Variants in LILRA4 observed in about 807,000 individuals in gnomAD.
LILRA4 encodes the protein leukocyte immunoglobulin-like receptor subfamily A member 4.
In LILRA4, 51 loss-of-function variants were observed where a neutral mutation model predicts 49.5. The observed-to-expected ratio is 1.03, with a 90% CI of 0.82 to 1.30. LILRA4 has a LOEUF of 1.30. Ranked by LOEUF, LILRA4 falls within the 50% of genes most tolerant of loss-of-function variation. LILRA4 has a pLI of 0.00. For synonymous variants in LILRA4, 272 were observed against 265.6 expected (o/e 1.02, Z -0.23); for missense variants, 624 against 625.6 (o/e 1.00, Z 0.03).
Position 54,336,992 on chromosome 19 carries a change from T to G in LILRA4, c.1104A>C (p.Arg368Ser), listed in dbSNP as rs754312400. Residue 368 changes from arginine (R) to serine (S), a missense_variant, in exon 6 of 8, where the codon AGA becomes AGC. Physicochemically the swap from Arg to Ser is moderately radical, Grantham distance 110. Coordinates refer to ENST00000291759, the MANE Select transcript of LILRA4 (RefSeq NM_012276.5). ...GGTACTTATGAGCTCCGTACATTGA[T>G]CTCAGACGCAACGGGGGATGGGCTG... ...EGAAHPPLRL[R>S]SMYGAHKYQA... The G allele has an allele frequency of 6.2e-7, 1 of 1,614,092 alleles. No individual in the cohort carries two copies. Among genetic ancestry groups the G allele is most frequent in the East Asian group, 2.2e-5 (1 of 44,846 alleles).
Position 54,339,054 on chromosome 19 carries a change from T to G in LILRA4, c.34+6A>C, listed in dbSNP as rs768694629. ...AGGGTCTCTCCTCCCCCTCTTAAGA[T>G]CTCACCAAAGAAGAGCAGGCTTGTG... On this transcript the variant is annotated splice_donor_region_variant and intron_variant, in intron 1 of 7. Coordinates refer to ENST00000291759, the MANE Select transcript of LILRA4 (RefSeq NM_012276.5). 3 of 1,613,990 alleles carry G rather than the reference T, an allele frequency of 1.9e-6. No individual in the cohort carries two copies. The highest frequency in any genetic ancestry group is 2.2e-5 in the East Asian group (1 of 44,894).
In LILRA4 at chr19:54,333,538, T is replaced by A; in HGVS notation, c.*34A>T. ...TATTCTCAGCAGACACTTCCCCAAC[T>A]GCTGCCCCAGTCTTCCAGAACCTCC... On this transcript the variant is annotated 3_prime_UTR_variant, in exon 8 of 8. Transcript: ENST00000291759. 6.2e-7 allele frequency: 1 copy of A among 1,604,528 alleles called. No individual in the cohort carries two copies. The highest frequency in any genetic ancestry group is 8.5e-7 in the Non-Finnish European group (1 of 1,172,732).
Position 54,338,531 on chromosome 19 carries a change from T to C in LILRA4, c.220A>G (p.Thr74Ala), listed in dbSNP as rs778172668. The C allele has an allele frequency of 1.2e-6, 2 of 1,614,132 alleles. No homozygotes were observed. Among genetic ancestry groups the C allele is most frequent in the East Asian group, 4.5e-5 (2 of 44,880 alleles). Residue 74 changes from threonine to alanine, a missense_variant, in exon 3 of 8, where the codon ACA becomes GCA. Coordinates refer to ENST00000291759, the MANE Select transcript of LILRA4 (RefSeq NM_012276.5). ...TTGACCTTGTTTTCAGACTCCAGTGTTTTTAATATGTGCCTCGACATTGAG... is the reference window on the plus strand; with the variant it reads ...TTGACCTTGTTTTCAGACTCCAGTGCTTTTAATATGTGCCTCGACATTGAG... ...GNSMSRHILK[T>A]LESENKVKLS...
Position 54,338,311 on chromosome 19 carries a change from G to C in LILRA4, c.356-76C>G, listed in dbSNP as rs2081355120. ...ACCTTATCCTACAAGGCTGGGCTGT[G>C]AGAAGGGAGACCCCTCGAGAGCTGA... On this transcript the variant is annotated intron_variant, in intron 3 of 7. Transcript: ENST00000291759. 7 of 1,596,012 alleles carry C rather than the reference G, an allele frequency of 4.4e-6. No homozygotes were observed. In the East Asian group the frequency reaches 1.3e-4, roughly 31 times the overall value.
At chr19:54,333,986 A>T (rs978456639) in intron 6 of LILRA4, 21 bp from the exon 7 acceptor site, 3 of 1,609,682 alleles carry the variant, frequency 1.9e-6, no homozygotes, top group Admixed American at 3.3e-5. Flanking sequence ...AAGAATAAGG[A>T]TGTTGGTGAG....
Position 54,337,742 on chromosome 19 carries a change from G to GCGCC in LILRA4, c.656-50_656-47dup, listed in dbSNP as rs761816719. 14 of 1,578,004 alleles carry GCGCC rather than the reference G, an allele frequency of 8.9e-6. No individual in the cohort carries two copies. The South Asian group carries it at 1.6e-4, about 18-fold the overall frequency. ...GGACTCGGAGCGGCTGGTTCCTCCTGCGCCCCTTCCTTCTGTAGCCTTCCT... is the reference window on the plus strand; with the variant it reads ...GGACTCGGAGCGGCTGGTTCCTCCTGCGCCCGCCCCTTCCTTCTGTAGCCTTCCT... On this transcript the variant is annotated intron_variant, in intron 4 of 7. Coordinates refer to ENST00000291759, the MANE Select transcript of LILRA4 (RefSeq NM_012276.5).
rs548572203 is a variant in LILRA4 at position 54,338,805 on chromosome 19, AG to A, written c.70+60del. 2,166 of 1,607,044 alleles carry A rather than the reference AG, an allele frequency of 1.3e-3. 48 individuals carry two copies. In the Admixed American group the frequency reaches 0.033, roughly 25 times the overall value. ...CTGCTGTCTTCACCCCCAGCTGCCC[AG>A]GGGTGGTCCCTTGTCCCCAGAGAGG... On this transcript the variant is annotated intron_variant, in intron 2 of 7. Transcript: ENST00000291759.
At chr19:54,335,874 A>T (rs776211510) in intron 6 of LILRA4, 2 of 152,128 alleles carry the variant, frequency 1.3e-5, no homozygotes, top group Non-Finnish European at 2.9e-5. Flanking sequence ...GTGGCTTTAG[A>T]TATTTGTTTT....
chr19:54,336,679 G>T, intron 6 of LILRA4, 162 bp downstream of exon 6: 1 of 1,114,634 alleles, frequency 9.0e-7, no homozygotes, highest in South Asian at 1.6e-5. Flanking sequence ...CTGGGGGCAG[G>T]GCCTGAGCTG....
rs748802900 is a variant in LILRA4 at position 54,338,548 on chromosome 19, G to A, written c.203C>T (p.Ser68Leu). 25 of 1,613,996 alleles carry A rather than the reference G, an allele frequency of 1.5e-5. No individual in the cohort carries two copies. Among genetic ancestry groups the A allele is most frequent in the African/African-American group, 1.1e-4 (8 of 74,896 alleles). ...CTCCAGTGTTTTTAATATGTGCCTC[G>A]ACATTGAGTTTCCCTCTTTATCCAG... is the stretch of plus-strand genomic sequence containing the variant. Reference protein sequence around the residue: ...YRLDKEGNSMSRHILKTLESE... With the variant: ...YRLDKEGNSMLRHILKTLESE... Residue 68 changes from serine (S) to leucine (L), a missense_variant, in exon 3 of 8, where the codon TCG becomes TTG. Ser to Leu is a moderately radical substitution (Grantham distance 145). Coordinates refer to ENST00000291759, the MANE Select transcript of LILRA4 (RefSeq NM_012276.5).
intron 2 of LILRA4, 71 bp from the exon 3 acceptor site, chr19:54,338,751 C>G: frequency 6.3e-7 from 1 of 1,585,148 alleles, no homozygotes; most frequent in Non-Finnish European, 8.6e-7. Flanking sequence ...GCCCCAGGAC[C>G]CCCCTCATCC....
Position 54,338,209 on chromosome 19 carries a change from G to T in LILRA4, c.382C>A (p.Leu128Met). The T allele has an allele frequency of 6.2e-7, 1 of 1,613,180 alleles. No individual in the cohort carries two copies. Among genetic ancestry groups the T allele is most frequent in the Non-Finnish European group, 8.5e-7 (1 of 1,179,272 alleles). Residue 128 changes from leucine (L) to methionine (M), a missense_variant, in exon 4 of 8, where the codon CTG becomes ATG. Physicochemically the swap from Leu to Met is conservative, Grantham distance 15. Coordinates refer to ENST00000291759, the MANE Select transcript of LILRA4 (RefSeq NM_012276.5). ...TAYSRPTLSA[L>M]PSPVVTSGVN... is the part of the protein sequence containing the mutation. Reference sequence around the variant, plus strand: ...CCTGAGGTCACCACAGGGCTTGGCAGTGCGGACAGGGTGGGTCTGCTGTAG... The same window carrying T: ...CCTGAGGTCACCACAGGGCTTGGCATTGCGGACAGGGTGGGTCTGCTGTAG...
intron 4 of LILRA4, 38 bp downstream of exon 4, chr19:54,337,898 C>A (rs369612607): frequency 6.4e-7 from 1 of 1,574,736 alleles, no homozygotes; most frequent in Non-Finnish European, 8.6e-7. Context: ...TCACCTGGTG[C>A]CCTGACTTTG....
In LILRA4 at chr19:54,337,141, G is replaced by A; in HGVS notation, c.955C>T (p.Gln319Ter). Reference protein sequence around the residue: ...SDPLDILIAGQISDRPSLSVQ... With the variant: ...SDPLDILIAG ...GAGAGGGAGGGTCTGTCAGAGATCT[G>A]TCCTGGAGAAAAGAAGGACGGGTGA... The change falls in exon 6 of 8, where the codon CAG becomes TAG. Residue 319 changes from glutamine to a stop codon, truncating the protein, a stop_gained and splice_region_variant. Coordinates refer to ENST00000291759, the MANE Select transcript of LILRA4 (RefSeq NM_012276.5). LOFTEE classifies it high-confidence loss of function. 6.2e-7 allele frequency: 1 copy of A among 1,610,354 alleles called. No individual in the cohort carries two copies. Among genetic ancestry groups the A allele is most frequent in the Non-Finnish European group, 8.5e-7 (1 of 1,177,584 alleles).
chr19:54,338,214 G>T lies in LILRA4; in HGVS notation c.377C>A (p.Ser126Tyr). 1 of 1,612,544 alleles carries T rather than the reference G, an allele frequency of 6.2e-7. No individual in the cohort carries two copies. Among genetic ancestry groups the T allele is most frequent in the Non-Finnish European group, 8.5e-7 (1 of 1,178,804 alleles). Reference sequence around the variant, plus strand: ...GGTCACCACAGGGCTTGGCAGTGCGGACAGGGTGGGTCTGCTGTAGGCTTT... The same window carrying T: ...GGTCACCACAGGGCTTGGCAGTGCGTACAGGGTGGGTCTGCTGTAGGCTTT... ...VVTAYSRPTL[S>Y]ALPSPVVTSG... Residue 126 changes from serine (S) to tyrosine (Y), a missense_variant, in exon 4 of 8, where the codon TCC (serine) becomes TAC (tyrosine). Physicochemically the swap from Ser to Tyr is moderately radical, Grantham distance 144 (BLOSUM62 -2). Transcript: ENST00000291759.
Position 54,339,147 on chromosome 19 carries a change from G to A in LILRA4, c.-54C>T, listed in dbSNP as rs35407007. ...GCAGGCAGGTGTGGCCACGGTGCCC[G>A]TAGACACAGACAGACACATGGTGTG... is the stretch of plus-strand genomic sequence containing the variant. On this transcript the variant is annotated 5_prime_UTR_variant, in exon 1 of 8. In the 5' UTR this introduces an upstream ATG that the reference lacks. Transcript: ENST00000291759. 0.057 allele frequency: 91,535 copies of A among 1,603,026 alleles called. 2,976 individuals are homozygous for A. The highest frequency in any genetic ancestry group is 0.095 in the South Asian group (8,649 of 90,866).
chr19:54,338,995 G>T, intron 1 of LILRA4, 65 bp downstream of exon 1: 1 of 1,612,088 alleles, frequency 6.2e-7, no homozygotes, highest in Non-Finnish European at 8.5e-7. Context: ...ATTGACTAAG[G>T]CATGGCTATG....
chr19:54,339,140 G>A lies in LILRA4; in HGVS notation c.-47C>T, dbSNP rs368643601. ...TGGCTGTGCAGGCAGGTGTGGCCACGGTGCCCGTAGACACAGACAGACACA... is the reference window on the plus strand; with the variant it reads ...TGGCTGTGCAGGCAGGTGTGGCCACAGTGCCCGTAGACACAGACAGACACA... On this transcript the variant is annotated 5_prime_UTR_variant, in exon 1 of 8. Transcript: ENST00000291759. 2.2e-5 allele frequency: 35 copies of A among 1,610,222 alleles called. No individual in the cohort carries two copies. The highest frequency in any genetic ancestry group is 1.7e-4 in the African/African-American group (13 of 74,824).
At chr19:54,336,192 C>T (rs577476425) in intron 6 of LILRA4, 2 of 153,306 alleles carry the variant, frequency 1.3e-5, no homozygotes, top group African/African-American at 2.4e-5. Flanking sequence ...CCCAGGAAGC[C>T]ACGTGGACCA....
Sources: gnomAD v4.1 joint callset for allele counts on GRCh38, gnomAD v4.1.1 for gene constraint, MANE v1.5 for transcripts, NCBI Gene and HGNC (gene_info 2026-07-23, HGNC 2026-07-21) for gene names.